The following PIGU variants were observed in gnomAD, a reference collection of about 807,000 sequenced individuals.
PIGU encodes the protein GPI-anchor transamidase component PIGU.
Under a neutral mutation model 49.9 loss-of-function variants are expected in PIGU, and 24 were observed. The observed-to-expected ratio is 0.48, with a 90% confidence interval of 0.35 to 0.68. PIGU has a LOEUF of 0.68. PIGU is among the 30% of genes least tolerant of loss of function. The pLI is 0.01. For missense variants in PIGU, 490 were observed against 532.6 expected (o/e 0.92, Z 0.79); for synonymous variants, 220 against 205.7 (o/e 1.07, Z -0.59).
At position 34,575,185 on chromosome 20, in the gene PIGU, G is replaced by T. The variant is rs1983173521; in HGVS notation, c.1113C>A (p.Val371=). ...CTGCATAAATCCAGAGGTGCCACAG[G>T]ACAGGGAAGAGCAGGGAACAGACGA... ...IIIVCSLLFP[V]LWHLWIYAGS... is the part of the protein sequence containing the mutation. Residue 371 remains valine, a synonymous_variant, in exon 11 of 12, where the codon GTC becomes GTA. Coordinates refer to ENST00000217446, the MANE Select transcript of PIGU (RefSeq NM_080476.5). The T allele has an allele frequency of 3.1e-6, 5 of 1,614,076 alleles. No individual in the cohort carries two copies. The highest frequency in any genetic ancestry group is 4.2e-6 in the Non-Finnish European group (5 of 1,179,974).
At chr20:34,588,269 ATCCTT>A (rs1983783430) in intron 8 of PIGU, among the ~76,000 whole-genome samples, 179 bp downstream of exon 8, 1 of 152,148 alleles carries the variant, frequency 6.6e-6, no homozygotes, top group African/African-American at 2.4e-5. Flanking sequence ...AAAGAAAAAA[ATCCTT>A]TAAGTAAGTA....
chr20:34,580,038 G>A (rs980870609), intron 10 of PIGU, among the ~76,000 whole-genome samples: 5 of 152,176 alleles, frequency 3.3e-5, no homozygotes, highest in African/African-American at 1.2e-4. Context: ...AGAACACATG[G>A]GGCTCGTAAT....
At chr20:34,629,940 G>A (rs1048228310) in intron 6 of PIGU, among the ~76,000 whole-genome samples, 1 of 152,134 alleles carries the variant, frequency 6.6e-6, no homozygotes, top group Non-Finnish European at 1.5e-5. Context: ...CAAAGCAGGT[G>A]AGAGAAGAAT....
Position 34,567,562 on chromosome 20 carries a change from C to T in PIGU, c.1195-6583G>A, listed in dbSNP as rs548773841. 2.0e-5 allele frequency among the ~76,000 whole-genome samples: 3 copies of T among 148,204 alleles called. No homozygotes were observed. In the East Asian group the frequency reaches 6.0e-4, roughly 30 times the overall value. ...GCCTCGTCCCTGGTGCCCTGGATGC[C>T]AGGCTCACACCTCTTACCTCTGCTC... On this transcript the variant is annotated intron_variant, in intron 11 of 11. Transcript: ENST00000217446.
At chr20:34,574,964 T>C in intron 11 of PIGU, 140 bp downstream of exon 11, 1 of 1,128,948 alleles carries the variant, frequency 8.9e-7, no homozygotes, top group Non-Finnish European at 1.3e-6. Flanking sequence ...CCTCACTGAC[T>C]GGGAGCTACT....
intron 7 of PIGU, among the ~76,000 whole-genome samples, chr20:34,610,234 G>A (rs553845995): frequency 1.3e-5 from 2 of 152,178 alleles, no homozygotes; most frequent in East Asian, 3.9e-4. Context: ...GAAATAAAGC[G>A]TATTCAAATA....
At chr20:34,647,270 C>T (rs1986379515) in intron 2 of PIGU, among the ~76,000 whole-genome samples, 1 of 149,508 alleles carries the variant, frequency 6.7e-6, no homozygotes, top group African/African-American at 2.5e-5. Context: ...CGTGCCCGGC[C>T]GTTTTTTGTT....
At chr20:34,596,011 G>A (rs563472083) in intron 7 of PIGU, among the ~76,000 whole-genome samples, 8 of 152,274 alleles carry the variant, frequency 5.3e-5, no homozygotes, top group African/African-American at 1.9e-4. Flanking sequence ...CCAGTCGGGC[G>A]ATGGAGCGAG....
At chr20:34,670,323 G>T (rs908072248) in intron 1 of PIGU, among the ~76,000 whole-genome samples, 1 of 151,492 alleles carries the variant, frequency 6.6e-6, no homozygotes, top group African/African-American at 2.4e-5. Flanking sequence ...CTGAGTAGCT[G>T]GGACTACAGG....
intron 7 of PIGU, among the ~76,000 whole-genome samples, chr20:34,611,864 A>T (rs1984829106): frequency 1.3e-5 from 2 of 152,162 alleles, no homozygotes; most frequent in Non-Finnish European, 2.9e-5. Context: ...GGAAAAACAG[A>T]TGCTGGCAAG....
At chr20:34,610,340 A>G (rs1004370963) in intron 7 of PIGU, among the ~76,000 whole-genome samples, 1 of 152,176 alleles carries the variant, frequency 6.6e-6, no homozygotes, top group Non-Finnish European at 1.5e-5. Flanking sequence ...TTAAGCTCAT[A>G]AACAACTTCA....
intron 7 of PIGU, among the ~76,000 whole-genome samples, chr20:34,599,232 C>G (rs949545181): frequency 6.6e-6 from 1 of 152,094 alleles, no homozygotes; most frequent in Non-Finnish European, 1.5e-5. Flanking sequence ...GTGAGTAGAT[C>G]ACTTGAATCC....
intron 11 of PIGU, 34 bp from the exon 12 acceptor site, chr20:34,561,013 G>C (rs762147443): frequency 1.4e-6 from 2 of 1,466,474 alleles, no homozygotes; most frequent in Non-Finnish European, 9.5e-7. Flanking sequence ...GGCGCTGCTG[G>C]GTACCTCCCC....
intron 2 of PIGU, among the ~76,000 whole-genome samples, chr20:34,650,469 C>T (rs935043057): frequency 2.0e-5 from 3 of 151,838 alleles, no homozygotes; most frequent in Admixed American, 2.0e-4. Flanking sequence ...CAGGGTTTCA[C>T]CATGTTGGCC....
At chr20:34,637,167 C>T (rs921184386) in intron 5 of PIGU, among the ~76,000 whole-genome samples, 1 of 152,222 alleles carries the variant, frequency 6.6e-6, no homozygotes, top group African/African-American at 2.4e-5. Context: ...GTAAACTAGT[C>T]TCACAAGGCC....
intron 1 of PIGU, among the ~76,000 whole-genome samples, chr20:34,665,315 T>C (rs921699874): frequency 6.8e-6 from 1 of 146,622 alleles, no homozygotes; most frequent in Non-Finnish European, 1.5e-5. Flanking sequence ...GCCATTCTCC[T>C]GCCTCAGCCT....
intron 6 of PIGU, among the ~76,000 whole-genome samples, chr20:34,627,388 T>G (rs1372619241): frequency 2.0e-5 from 3 of 152,100 alleles, no homozygotes; most frequent in African/African-American, 7.2e-5. Flanking sequence ...AACAAAATTA[T>G]GTATATAACA....
chr20:34,560,634 C>T lies in PIGU; in HGVS notation c.*232G>A, dbSNP rs1248647517. On this transcript the variant is annotated 3_prime_UTR_variant, in exon 12 of 12. Transcript: ENST00000217446. Reference sequence around the variant, plus strand: ...CTCCTTCCTGTCTGGGAGGGGGCTCCTTGGTGTGCAGAGCCACAAGGTGGG... The same window carrying T: ...CTCCTTCCTGTCTGGGAGGGGGCTCTTTGGTGTGCAGAGCCACAAGGTGGG... The T allele has an allele frequency of 1.1e-5, 5 of 444,158 alleles. No individual in the cohort carries two copies. The highest frequency in any genetic ancestry group is 1.2e-5 in the Non-Finnish European group (3 of 252,028). The allele number at this position is 444,158 out of a possible 1,614,324, so 27.5% of individuals were successfully genotyped here.
At chr20:34,582,352 G>T (rs184825329) in intron 9 of PIGU, among the ~76,000 whole-genome samples, 1 of 152,016 alleles carries the variant, frequency 6.6e-6, no homozygotes, top group Non-Finnish European at 1.5e-5. Flanking sequence ...ATCCTCTCAC[G>T]TGATCCTCAC....
Sources: gnomAD v4.1 joint callset for allele counts (sites outside exome capture counted in the v4.1 genomes callset) on GRCh38, gnomAD v4.1.1 for gene constraint, MANE v1.5 for transcripts, NCBI Gene and HGNC (gene_info 2026-07-23, HGNC 2026-07-21) for gene names.